Variants in PRKAA1 observed in about 807,000 individuals in gnomAD.
PRKAA1 encodes 5'-AMP-activated protein kinase catalytic subunit alpha-1.
A neutral mutation model predicts 56.9 loss-of-function variants in PRKAA1; 23 were observed. The ratio of observed to expected loss-of-function variants is 0.40; its 90% CI spans 0.29 to 0.57. The LOEUF (loss-of-function observed/expected upper bound fraction) is 0.57, where lower values mean the gene tolerates loss of function less well. Ranked by LOEUF, PRKAA1 falls within the 20% of genes least tolerant of loss-of-function variation. The probability of loss-of-function intolerance (pLI) is 0.39; values close to 1 mark genes in which losing one functional copy is unlikely to be tolerated. For synonymous variants in PRKAA1, 226 were observed against 227.0 expected (o/e 1.00, Z 0.04); for missense variants, 413 against 679.7 (o/e 0.61, Z 4.36).
At chr5:40,763,256 C>T (rs1288592666) in intron 8 of PRKAA1, among the ~76,000 whole-genome samples, 1 of 152,144 alleles carries the variant, frequency 6.6e-6, no homozygotes, top group Admixed American at 6.5e-5. Flanking sequence ...AGCTACTCAT[C>T]AGTTGCAATC....
At chr5:40,793,410 AT>A (rs977460872) in intron 1 of PRKAA1, among the ~76,000 whole-genome samples, 10 of 152,146 alleles carry the variant, frequency 6.6e-5, no homozygotes, top group African/African-American at 2.4e-4. Flanking sequence ...AACCAAACAA[AT>A]TTTTTGGCCT....
At chr5:40,780,955 C>T (rs967001100) in intron 1 of PRKAA1, among the ~76,000 whole-genome samples, 1 of 152,152 alleles carries the variant, frequency 6.6e-6, no homozygotes, top group Non-Finnish European at 1.5e-5. Context: ...ATCCACCCCT[C>T]GTCAATTTGG....
At chr5:40,787,820 T>C (rs999803149) in intron 1 of PRKAA1, among the ~76,000 whole-genome samples, 3 of 152,084 alleles carry the variant, frequency 2.0e-5, no homozygotes, top group African/African-American at 7.2e-5. Context: ...ATTAACAAAA[T>C]GGCACTACTA....
intron 1 of PRKAA1, among the ~76,000 whole-genome samples, chr5:40,788,813 G>A (rs1298473978): frequency 6.7e-6 from 1 of 148,312 alleles, no homozygotes; most frequent in African/African-American, 2.5e-5. Context: ...GGTGACAGAG[G>A]GAGACTGCAT....
rs573857008 is a variant in PRKAA1 at position 40,791,718 on chromosome 5, T to C, written c.127+6345A>G. On this transcript the variant is annotated intron_variant, in intron 1 of 8. Transcript: ENST00000397128. ...GGTGGGCTTTAAAAGCTATAGATCGTAATTTAAGAAAGCAAACAAACATTT... is the reference window on the plus strand; with the variant it reads ...GGTGGGCTTTAAAAGCTATAGATCGCAATTTAAGAAAGCAAACAAACATTT... Among the ~76,000 whole-genome samples the C allele has an allele frequency of 5.3e-5, 8 of 152,314 alleles. No individual in the cohort carries two copies. The East Asian group carries it at 1.2e-3, about 22-fold the overall frequency.
At chr5:40,797,173 T>TAAAA (rs1426669432) in intron 1 of PRKAA1, among the ~76,000 whole-genome samples, 16 of 152,212 alleles carry the variant, frequency 1.1e-4, no homozygotes, top group African/African-American at 3.4e-4. Flanking sequence ...TCTGGGCTTT[T>TAAAA]AGTGTACCCG....
chr5:40,764,698 T>C, intron 7 of PRKAA1, 54 bp downstream of exon 7: 1 of 1,604,812 alleles, frequency 6.2e-7, no homozygotes, highest in Non-Finnish European at 8.5e-7. Context: ...AAACATTTTA[T>C]AGACTATGGG....
At chr5:40,788,687 C>T (rs956976643) in intron 1 of PRKAA1, among the ~76,000 whole-genome samples, 3 of 151,934 alleles carry the variant, frequency 2.0e-5, no homozygotes, top group South Asian at 2.1e-4. Context: ...ATTAGCTGAG[C>T]GTAGTGGTGC....
Position 40,792,763 on chromosome 5 carries a change from G to A in PRKAA1, c.127+5300C>T, listed in dbSNP as rs116452908. ...GTAGCTGAAATTGCAGTTTTACACAGAAATACTTACGAACTTAGGCCAAGC... is the reference window on the plus strand; with the variant it reads ...GTAGCTGAAATTGCAGTTTTACACAAAAATACTTACGAACTTAGGCCAAGC... On this transcript the variant is annotated intron_variant, in intron 1 of 8. Transcript: ENST00000397128. Among the ~76,000 whole-genome samples the A allele has an allele frequency of 5.2e-3, 798 of 152,124 alleles. 8 individuals are homozygous for A. Among genetic ancestry groups the A allele is most frequent in the African/African-American group, 0.018 (755 of 41,514 alleles).
intron 1 of PRKAA1, among the ~76,000 whole-genome samples, chr5:40,786,163 G>A (rs1040790309): frequency 1.3e-5 from 2 of 151,822 alleles, no homozygotes; most frequent in African/African-American, 4.8e-5. Flanking sequence ...ACTGAGGCAG[G>A]AGAATCACTT....
Position 40,764,496 on chromosome 5 carries a change from T to C in PRKAA1, c.1435+18A>G, listed in dbSNP as rs199666397. On this transcript the variant is annotated intron_variant, in intron 8 of 8. Coordinates refer to ENST00000397128, the MANE Select transcript of PRKAA1 (RefSeq NM_006251.6). ...AGTAACAAGGTCTAATCTATGTTGTTTTGTGTGATGTACATACCATCAATA... is the reference window on the plus strand; with the variant it reads ...AGTAACAAGGTCTAATCTATGTTGTCTTGTGTGATGTACATACCATCAATA... 9.4e-6 allele frequency: 15 copies of C among 1,601,560 alleles called. No homozygotes were observed. The highest frequency in any genetic ancestry group is 1.3e-5 in the Non-Finnish European group (15 of 1,173,376).
rs1743096394 is a variant in PRKAA1, at chr5:40,759,894, G to GC, written c.*2883dup. The stretch of plus-strand genomic sequence containing the variant: ...GATATGATATATTAAGCTCCCATAT[G>GC]CCCCAACCTGGTAGAAAAGTTCCTC... On this transcript the variant is annotated 3_prime_UTR_variant, in exon 9 of 9. Transcript: ENST00000397128. 1 of 152,408 alleles carries GC rather than the reference G, an allele frequency of 6.6e-6. No individual in the cohort carries two copies. Among genetic ancestry groups the GC allele is most frequent in the African/African-American group, 2.4e-5 (1 of 41,418 alleles). The allele number at this position is 152,408 out of a possible 1,614,324, so 9.4% of individuals were successfully genotyped here.
chr5:40,782,811 G>A lies in PRKAA1; in HGVS notation c.128-5225C>T, dbSNP rs543215807. ...GTATAATTTAACTCATGAGTAATAC[G>A]GAGCAGAATATTAATCCACCTGTAA... is the stretch of plus-strand genomic sequence containing the variant. On this transcript the variant is annotated intron_variant, in intron 1 of 8. Coordinates refer to ENST00000397128, the MANE Select transcript of PRKAA1 (RefSeq NM_006251.6). Among the ~76,000 whole-genome samples the A allele has an allele frequency of 2.6e-5, 4 of 152,166 alleles. No homozygotes were observed. The East Asian group carries it at 5.8e-4, about 22-fold the overall frequency.
At chr5:40,785,224 CATTTT>C (rs911088096) in intron 1 of PRKAA1, among the ~76,000 whole-genome samples, 16 of 152,066 alleles carry the variant, frequency 1.1e-4, no homozygotes, top group African/African-American at 2.4e-4. Context: ...ATTCCACAGA[CATTTT>C]ATTTTATTTT....
At chr5:40,763,891 T>C (rs1253933098) in intron 8 of PRKAA1, among the ~76,000 whole-genome samples, 1 of 152,200 alleles carries the variant, frequency 6.6e-6, no homozygotes, top group Non-Finnish European at 1.5e-5. Context: ...GTGAACCTCA[T>C]CTAATAATTC....
At chr5:40,768,807 T>C (rs1743590797) in intron 5 of PRKAA1, 30 of 1,471,414 alleles carry the variant, frequency 2.0e-5, no homozygotes, top group Non-Finnish European at 2.6e-5. Flanking sequence ...GGACAAAGAG[T>C]TATTCTTAAA....
chr5:40,779,908 A>G (rs1744191736), intron 1 of PRKAA1, among the ~76,000 whole-genome samples: 1 of 141,974 alleles, frequency 7.0e-6, no homozygotes, highest in Admixed American at 7.9e-5. Flanking sequence ...AAAAAAGTGC[A>G]TAAAATGAAT....
chr5:40,776,149 A>G (rs1371769124), intron 2 of PRKAA1, among the ~76,000 whole-genome samples: 1 of 152,262 alleles, frequency 6.6e-6, no homozygotes, highest in African/African-American at 2.4e-5. Context: ...TCAGGATTTC[A>G]TGAGACAGAT....
chr5:40,788,570 G>A (rs558644732), intron 1 of PRKAA1, among the ~76,000 whole-genome samples: 1 of 152,012 alleles, frequency 6.6e-6, no homozygotes, highest in African/African-American at 2.4e-5. Context: ...CAGGCCAGAC[G>A]CGTAATCCCA....
Sources: allele counts gnomAD v4.1 joint callset (sites outside exome capture counted in the v4.1 genomes callset), GRCh38; gene constraint gnomAD v4.1.1; transcripts MANE v1.5; gene names NCBI Gene and HGNC (gene_info 2026-07-23, HGNC 2026-07-21).